ALS2: variants seen among roughly 807,000 people sequenced by gnomAD.
ALS2 encodes alsin.
A neutral mutation model predicts 203.4 loss-of-function variants in ALS2; 117 were observed. The ratio of observed to expected loss-of-function variants is 0.58; its 90% CI spans 0.50 to 0.67. The LOEUF (loss-of-function observed/expected upper bound fraction) is 0.67, where lower values mean the gene tolerates loss of function less well. ALS2 is among the 30% of genes least tolerant of loss of function. ALS2 has a pLI of 0.00. For missense variants in ALS2, 1,715 were observed against 1,989.4 expected, an observed-to-expected ratio of 0.86 and a Z score of 2.62; for synonymous variants, 718 against 725.9, an observed-to-expected ratio of 0.99 and a Z score of 0.17.
chr2:201,767,834 C>T (rs1694175391), intron 2 of ALS2, among the ~76,000 whole-genome samples: 1 of 144,312 alleles, frequency 6.9e-6, no homozygotes, highest in Non-Finnish European at 1.5e-5. Context: ...TGCCACTGCA[C>T]TCCAGCCTGG....
intron 11 of ALS2, among the ~76,000 whole-genome samples, chr2:201,740,550 A>C (rs1397100406): frequency 6.6e-6 from 1 of 152,110 alleles, no homozygotes; most frequent in Non-Finnish European, 1.5e-5. Context: ...AACAAAATCT[A>C]GTTTTAAAAA....
chr2:201,704,041 A>G, intron 33 of ALS2, 81 bp downstream of exon 33: 6 of 1,235,210 alleles, frequency 4.9e-6, no homozygotes, highest in South Asian at 1.3e-5. Context: ...TATACAAAAA[A>G]AGTGGTTAAT....
rs1463516206 is a variant in ALS2 at position 201,757,475 on chromosome 2, A to G, written c.1398T>C (p.Ser466=). 2 of 1,613,962 alleles carry G rather than the reference A, an allele frequency of 1.2e-6. No individual in the cohort carries two copies. Among genetic ancestry groups the G allele is most frequent in the South Asian group, 1.1e-5 (1 of 91,060 alleles). The part of the protein sequence containing the change: ...QESMQGKKSS[S]LVDIREEETE... ...TTTCTTCTTCTCTGATATCCACAAG[A>G]CTTGAACTTTTCTTTCCTTGCATTG... The change falls in exon 5 of 34, where the codon AGT becomes AGC. Residue 466 remains serine (S), a synonymous_variant. Transcript: ENST00000264276.
intron 11 of ALS2, among the ~76,000 whole-genome samples, chr2:201,740,406 C>T (rs1265952443): frequency 1.3e-5 from 2 of 151,766 alleles, no homozygotes; most frequent in Non-Finnish European, 2.9e-5. Context: ...AAAAAAAGCC[C>T]AAAGTATCAA....
At chr2:201,709,799 G>C in intron 27 of ALS2, 82 bp downstream of exon 27, 2 of 1,548,334 alleles carry the variant, frequency 1.3e-6, no homozygotes, top group East Asian at 4.5e-5. Context: ...CTATTTTCTT[G>C]ATGATTCAGG....
chr2:201,774,173 G>A (rs1485185748), intron 1 of ALS2, among the ~76,000 whole-genome samples: 1 of 152,210 alleles, frequency 6.6e-6, no homozygotes, highest in Non-Finnish European at 1.5e-5. Context: ...GAGATGGGAG[G>A]AAGCTGAATA....
At chr2:201,742,139 A>G (rs1204029330) in intron 10 of ALS2, among the ~76,000 whole-genome samples, 2 of 152,208 alleles carry the variant, frequency 1.3e-5, no homozygotes, top group East Asian at 3.8e-4. Flanking sequence ...GCCAAATTTG[A>G]GGACCACTGA....
At chr2:201,714,005 G>A (rs1042189357) in intron 25 of ALS2, among the ~76,000 whole-genome samples, 11 of 152,214 alleles carry the variant, frequency 7.2e-5, no homozygotes, top group African/African-American at 2.7e-4. Context: ...ACCTGAGCTA[G>A]GTGTGGTAGC....
intron 25 of ALS2, among the ~76,000 whole-genome samples, chr2:201,713,143 T>TC (rs1690150751): frequency 8.5e-6 from 1 of 118,000 alleles, no homozygotes; most frequent in Non-Finnish European, 1.8e-5. Flanking sequence ...CTTTTTTTTT[T>TC]TTTTTTTTTT....
chr2:201,746,165 T>C (rs1692630612), intron 9 of ALS2, among the ~76,000 whole-genome samples: 1 of 152,170 alleles, frequency 6.6e-6, no homozygotes, highest in South Asian at 2.1e-4. Context: ...AACTTCATAG[T>C]AAAATGTACT....
At chr2:201,730,841 A>G (rs1280641478) in intron 13 of ALS2, among the ~76,000 whole-genome samples, 1 of 152,266 alleles carries the variant, frequency 6.6e-6, no homozygotes, top group Non-Finnish European at 1.5e-5. Context: ...AGTGACTACT[A>G]GTATAGTCTG....
intron 24 of ALS2, 85 bp from the exon 25 acceptor site, chr2:201,715,924 G>A (rs746203572): frequency 2.0e-6 from 3 of 1,506,252 alleles, no homozygotes; most frequent in Non-Finnish European, 1.8e-6. Flanking sequence ...ACATACAACT[G>A]AGAATGCTTT....
intron 8 of ALS2, 65 bp downstream of exon 8, chr2:201,749,647 G>T: frequency 7.4e-7 from 1 of 1,344,134 alleles, no homozygotes; most frequent in Non-Finnish European, 1.1e-6. Flanking sequence ...AATAAGAAAT[G>T]GAGAAGTATA....
chr2:201,735,124 C>T (rs957773328), intron 12 of ALS2, among the ~76,000 whole-genome samples: 1 of 151,758 alleles, frequency 6.6e-6, no homozygotes, highest in South Asian at 2.1e-4. Flanking sequence ...CAAATAAATA[C>T]GTGATTCGAC....
intron 18 of ALS2, 54 bp downstream of exon 18, chr2:201,726,610 T>G: frequency 6.2e-7 from 1 of 1,609,662 alleles, no homozygotes; most frequent in Admixed American, 1.7e-5. Flanking sequence ...TTAATACTTT[T>G]TCTATCATGT....
rs1450544138 is a variant in ALS2 at position 201,733,344 on chromosome 2, AAAAC to A, written c.2508_2511del (p.Leu836PhefsTer16). The A allele has an allele frequency of 3.1e-6, 5 of 1,613,792 alleles. No homozygotes were observed. The highest frequency in any genetic ancestry group is 1.3e-5 in the African/African-American group (1 of 74,930). On this transcript the variant is annotated frameshift_variant, in exon 13 of 34. Coordinates refer to ENST00000264276, the MANE Select transcript of ALS2 (RefSeq NM_020919.4). LOFTEE classifies it high-confidence loss of function. ...TTATGAAGTCGTCTGATTGGCAAGA[AAAAC>A]AAAGTATTCAGTATTTCCATCAACT...
intron 2 of ALS2, among the ~76,000 whole-genome samples, chr2:201,768,138 A>AT (rs1357394013): frequency 6.6e-6 from 1 of 152,222 alleles, no homozygotes; most frequent in African/African-American, 2.4e-5. Flanking sequence ...ATTTCACTTT[A>AT]TGTTGAGTTT....
rs200990057 is a variant in ALS2, at chr2:201,757,744, C to T, written c.1129G>A (p.Ala377Thr). Residue 377 changes from alanine (A) to threonine (T), a missense_variant, in exon 5 of 34, where the codon GCA becomes ACA. Physicochemically the swap from Ala to Thr is moderately conservative, Grantham distance 58. Around this residue, in one of 3 missense-constraint regions of ALS2, gnomAD observed 476 missense variants for 539.3 expected, o/e 0.88. Transcript: ENST00000264276. ...PVPSQPLLEE[A>T]IPNLHSPPTT... ...GGCGGGCTGTGGAGATTAGGAATTG[C>T]TTCTTCTAAAAGAGGCTAAAATATA... is the stretch of plus-strand genomic sequence containing the variant. 5.5e-5 allele frequency: 88 copies of T among 1,610,306 alleles called. No individual in the cohort carries two copies. Among genetic ancestry groups the T allele is most frequent in the Non-Finnish European group, 6.9e-5 (81 of 1,179,878 alleles).
chr2:201,759,879 A>G (rs1173857138), intron 4 of ALS2: 1 of 985,242 alleles, frequency 1.0e-6, no homozygotes, highest in Admixed American at 6.2e-5. Flanking sequence ...GTAAAGCAAA[A>G]TCAAAAGGCC....
Sources: gnomAD v4.1 joint callset for allele counts (sites outside exome capture counted in the v4.1 genomes callset) on GRCh38, gnomAD v4.1.1 for gene constraint, gnomAD v4.1.1 regional missense constraint, MANE v1.5 for transcripts, NCBI Gene and HGNC (gene_info 2026-07-23, HGNC 2026-07-21) for gene names.